Variants in SCG5 observed in about 807,000 individuals in gnomAD.
The protein encoded by SCG5 is neuroendocrine protein 7B2.
SCG5 carries 18 observed loss-of-function variants against 25.7 expected under a neutral mutation model. The observed-to-expected ratio is 0.70, with a 90% CI of 0.48 to 1.04. The LOEUF (loss-of-function observed/expected upper bound fraction) is 1.04, where lower values mean the gene tolerates loss of function less well. SCG5 is among the 50% of genes least tolerant of loss of function. The pLI is 0.00. For synonymous variants in SCG5, 101 were observed against 91.7 expected, an observed-to-expected ratio of 1.10 and a Z score of -0.58; for missense variants, 206 against 259.8, an observed-to-expected ratio of 0.79 and a Z score of 1.42.
chr15:32,688,617 A>G (rs2054769431), intron 4 of SCG5, among the ~76,000 whole-genome samples: 1 of 152,170 alleles, frequency 6.6e-6, no homozygotes, highest in South Asian at 2.1e-4. Context: ...GGCAGTGTTC[A>G]CTTTGTTAAG....
chr15:32,647,012 C>T (rs910935841), intron 2 of SCG5, among the ~76,000 whole-genome samples: 9 of 152,168 alleles, frequency 5.9e-5, no homozygotes, highest in Non-Finnish European at 1.2e-4. Context: ...TTCAAATACA[C>T]TTAACATGGT....
At chr15:32,642,791 C>A (rs988508857) in intron 1 of SCG5, among the ~76,000 whole-genome samples, 1 of 152,070 alleles carries the variant, frequency 6.6e-6, no homozygotes, top group Non-Finnish European at 1.5e-5. Flanking sequence ...ACCTCCAGAA[C>A]TGTTAAGGCA....
intron 5 of SCG5, among the ~76,000 whole-genome samples, chr15:32,694,986 G>A (rs1281178256): frequency 6.6e-6 from 1 of 151,366 alleles, no homozygotes; most frequent in African/African-American, 2.4e-5. Context: ...ATTGCTGATC[G>A]TTTGTAACTA....
At chr15:32,659,157 C>T (rs1017114596) in intron 2 of SCG5, among the ~76,000 whole-genome samples, 1 of 151,624 alleles carries the variant, frequency 6.6e-6, no homozygotes, top group East Asian at 1.9e-4. Context: ...GCCTGGGCGA[C>T]AGAGCGAGAC....
intron 2 of SCG5, among the ~76,000 whole-genome samples, chr15:32,664,001 G>A (rs2054281012): frequency 6.9e-6 from 1 of 145,352 alleles, no homozygotes; most frequent in South Asian, 2.3e-4. Context: ...TCTCCCATGT[G>A]GTATAGTAAG....
At chr15:32,675,570 T>G (rs899300632) in intron 2 of SCG5, among the ~76,000 whole-genome samples, 1 of 152,252 alleles carries the variant, frequency 6.6e-6, no homozygotes, top group Non-Finnish European at 1.5e-5. Flanking sequence ...GGTAACCAAC[T>G]AGAATGAAGA....
chr15:32,693,362 T>C (rs2054897072), intron 5 of SCG5, among the ~76,000 whole-genome samples: 2 of 152,152 alleles, frequency 1.3e-5, no homozygotes, highest in African/African-American at 2.4e-5. Context: ...TTCCTCCACA[T>C]AGGAAAGGCT....
chr15:32,686,757 C>T (rs141390312), intron 4 of SCG5, among the ~76,000 whole-genome samples: 94 of 152,268 alleles, frequency 6.2e-4, no homozygotes, highest in African/African-American at 2.2e-3. Context: ...GCTAGATGCT[C>T]AGTATGCAGG....
chr15:32,645,641 T>A (rs1369462706), intron 2 of SCG5, among the ~76,000 whole-genome samples: 1 of 152,048 alleles, frequency 6.6e-6, no homozygotes, highest in Admixed American at 6.6e-5. Context: ...GTTTTGAAGT[T>A]TGAGTAAGAG....
chr15:32,657,187 T>A (rs60143170), intron 2 of SCG5, among the ~76,000 whole-genome samples: 1 of 5,744 alleles, frequency 1.7e-4, no homozygotes, highest in Admixed American at 3.2e-3. Context: ...TAATTCTTTC[T>A]TTCATCCTCC....
At chr15:32,679,224 T>G (rs1243530379) in intron 2 of SCG5, among the ~76,000 whole-genome samples, 1 of 151,496 alleles carries the variant, frequency 6.6e-6, no homozygotes, top group East Asian at 1.9e-4. Context: ...AGACAGAGTT[T>G]TGCTCTGTCG....
intron 5 of SCG5, among the ~76,000 whole-genome samples, chr15:32,694,913 G>A (rs1385978891): frequency 1.3e-5 from 2 of 152,204 alleles, no homozygotes; most frequent in South Asian, 2.1e-4. Context: ...TTATTTCATG[G>A]GCAAGAGAGC....
chr15:32,654,959 G>C (rs898756428), intron 2 of SCG5, among the ~76,000 whole-genome samples: 1 of 152,104 alleles, frequency 6.6e-6, no homozygotes, highest in African/African-American at 2.4e-5. Flanking sequence ...AAAAGTCACC[G>C]GCATTTCTCA....
At position 32,674,788 on chromosome 15, in the gene SCG5, C is replaced by T. The variant is rs931225171; in HGVS notation, c.227-4978C>T. 3.9e-5 allele frequency among the ~76,000 whole-genome samples: 6 copies of T among 152,136 alleles called. No homozygotes were observed. The South Asian group carries it at 1.0e-3, about 26-fold the overall frequency. ...CTGAATTGCCAACCTCAAAGGGATACGTACAGAAGGGAGAATTGGAGGCAC... is the reference window on the plus strand; with the variant it reads ...CTGAATTGCCAACCTCAAAGGGATATGTACAGAAGGGAGAATTGGAGGCAC... On this transcript the variant is annotated intron_variant, in intron 2 of 5. Coordinates refer to ENST00000300175, the MANE Select transcript of SCG5 (RefSeq NM_001144757.3).
intron 2 of SCG5, among the ~76,000 whole-genome samples, chr15:32,655,313 A>T (rs56269339): frequency 2.6e-5 from 4 of 151,422 alleles, no homozygotes; most frequent in Non-Finnish European, 5.9e-5. Flanking sequence ...GTCTGAACAA[A>T]AAAAAAAAAA....
intron 2 of SCG5, among the ~76,000 whole-genome samples, chr15:32,678,690 G>T (rs1287735461): frequency 6.6e-6 from 1 of 152,086 alleles, no homozygotes; most frequent in Non-Finnish European, 1.5e-5. Flanking sequence ...TGACTTCTGG[G>T]AATCTATCCT....
intron 2 of SCG5, among the ~76,000 whole-genome samples, chr15:32,658,761 G>C (rs1301438518): frequency 1.3e-5 from 2 of 152,240 alleles, no homozygotes; most frequent in South Asian, 2.1e-4. Flanking sequence ...AGTGGCATTG[G>C]ATGGGACGGT....
At chr15:32,645,885 A>G (rs552527829) in intron 2 of SCG5, among the ~76,000 whole-genome samples, 58 of 152,184 alleles carry the variant, frequency 3.8e-4, no homozygotes, top group African/African-American at 1.3e-3. Flanking sequence ...CAGTGGTGCA[A>G]TCTTGGCTCA....
chr15:32,644,176 AG>A (rs1205647269), intron 2 of SCG5, among the ~76,000 whole-genome samples: 5 of 152,204 alleles, frequency 3.3e-5, no homozygotes, highest in African/African-American at 1.2e-4. Context: ...CACTAAAGAA[AG>A]ATTAGAACCC....
Sources: allele counts gnomAD v4.1 joint callset (sites outside exome capture counted in the v4.1 genomes callset), GRCh38; gene constraint gnomAD v4.1.1; transcripts MANE v1.5; gene names NCBI Gene and HGNC (gene_info 2026-07-23, HGNC 2026-07-21).